The following CSMD1 variants were observed in gnomAD, a reference collection of about 807,000 sequenced individuals.
The protein encoded by CSMD1 is CUB and sushi domain-containing protein 1.
A neutral mutation model predicts 417.5 loss-of-function variants in CSMD1; 213 were observed. The observed-to-expected ratio is 0.51, with a 90% CI of 0.46 to 0.57. CSMD1 has a LOEUF of 0.57. Ranked by LOEUF, CSMD1 falls within the 20% of genes least tolerant of loss-of-function variation. The pLI is 0.00. For synonymous variants in CSMD1, 2,862 were observed against 1,736.8 expected (o/e 1.65, Z -16.11); for missense variants, 6,923 against 4,529.7 (o/e 1.53, Z -15.17).
intron 3 of CSMD1, among the ~76,000 whole-genome samples, chr8:4,325,673 T>A (rs1307375307): frequency 6.6e-6 from 1 of 152,088 alleles, no homozygotes; most frequent in Non-Finnish European, 1.5e-5. Flanking sequence ...TGCTCATCTC[T>A]AGGGCCAGAA....
intron 1 of CSMD1, among the ~76,000 whole-genome samples, chr8:4,988,293 A>G (rs1811285892): frequency 6.6e-6 from 1 of 152,248 alleles, no homozygotes; most frequent in Non-Finnish European, 1.5e-5. Flanking sequence ...AGATGCAAGT[A>G]TCAAAGTATC....
intron 1 of CSMD1, among the ~76,000 whole-genome samples, chr8:4,732,426 A>C (rs1809961073): frequency 1.3e-5 from 2 of 151,600 alleles, no homozygotes; most frequent in African/African-American, 4.9e-5. Context: ...TGCAGAATCC[A>C]AGCATTTATT....
At chr8:4,499,356 T>C (rs975485849) in intron 2 of CSMD1, among the ~76,000 whole-genome samples, 1 of 152,184 alleles carries the variant, frequency 6.6e-6, no homozygotes, top group African/African-American at 2.4e-5. Context: ...GAGCTCTTCC[T>C]GGTACAATAC....
chr8:3,266,924 G>T (rs1194690957), intron 26 of CSMD1, among the ~76,000 whole-genome samples: 1 of 152,150 alleles, frequency 6.6e-6, no homozygotes, highest in Non-Finnish European at 1.5e-5. Context: ...TAGAGGTCAA[G>T]AAATGCAGAC....
intron 2 of CSMD1, among the ~76,000 whole-genome samples, chr8:4,506,787 G>A (rs1005665136): frequency 6.6e-6 from 1 of 152,224 alleles, no homozygotes; most frequent in East Asian, 1.9e-4. Flanking sequence ...TCCTGAAAGA[G>A]CCACCTCTAA....
At chr8:2,991,085 T>C (rs769718843) in intron 54 of CSMD1, among the ~76,000 whole-genome samples, 13 of 152,228 alleles carry the variant, frequency 8.5e-5, no homozygotes, top group Non-Finnish European at 1.9e-4. Flanking sequence ...CAAAGCCTTA[T>C]ACAATATACA....
intron 6 of CSMD1, among the ~76,000 whole-genome samples, chr8:3,721,292 G>C (rs1293038359): frequency 6.6e-6 from 1 of 152,080 alleles, no homozygotes. Flanking sequence ...TCTGAGATGA[G>C]TGGCCACATA....
intron 1 of CSMD1, among the ~76,000 whole-genome samples, chr8:4,724,807 G>A (rs910336981): frequency 3.9e-5 from 6 of 151,956 alleles, no homozygotes; most frequent in Non-Finnish European, 7.4e-5. Flanking sequence ...GAATCAAGTT[G>A]ATATATTCAA....
Position 3,670,956 on chromosome 8 carries a change from TG to T in CSMD1, c.1009+37457del, listed in dbSNP as rs1356219232. On this transcript the variant is annotated intron_variant, in intron 7 of 69. Transcript: ENST00000635120. ...ATATATATGTATGGGTATATGTGTA[TG>T]GGATATATGTATATGGGATATATAT... Among the ~76,000 whole-genome samples the T allele has an allele frequency of 6.2e-5, 8 of 128,738 alleles. No individual in the cohort carries two copies. The East Asian group carries it at 1.3e-3, about 22-fold the overall frequency. The allele number at this position is 128,738 out of a possible 152,430, so 84.5% of individuals were successfully genotyped here.
intron 2 of CSMD1, among the ~76,000 whole-genome samples, chr8:4,441,942 G>A (rs539394443): frequency 7.9e-5 from 12 of 152,218 alleles, no homozygotes; most frequent in African/African-American, 2.6e-4. Flanking sequence ...CATAACCATT[G>A]TACTGAGAAA....
intron 21 of CSMD1, among the ~76,000 whole-genome samples, chr8:3,356,331 A>G (rs1808788053): frequency 6.6e-6 from 1 of 152,228 alleles, no homozygotes; most frequent in South Asian, 2.1e-4. Context: ...CTTAGGGATG[A>G]GGCAGACCAC....
intron 7 of CSMD1, among the ~76,000 whole-genome samples, chr8:3,667,533 G>C (rs534289401): frequency 6.6e-6 from 1 of 152,256 alleles, no homozygotes; most frequent in Non-Finnish European, 1.5e-5. Flanking sequence ...TTGGGATGAG[G>C]TCAGGAAGGA....
chr8:4,784,519 G>A (rs188939027), intron 1 of CSMD1, among the ~76,000 whole-genome samples: 1 of 152,280 alleles, frequency 6.6e-6, no homozygotes, highest in East Asian at 1.9e-4. Context: ...TGGATGAGAG[G>A]AGACAGACCC....
intron 21 of CSMD1, among the ~76,000 whole-genome samples, chr8:3,355,293 T>C (rs1808707382): frequency 6.6e-6 from 1 of 152,152 alleles, no homozygotes; most frequent in Non-Finnish European, 1.5e-5. Context: ...TTCAAATAAT[T>C]CTGAAATGAT....
intron 26 of CSMD1, chr8:3,278,549 C>G (rs1377946524): frequency 6.6e-6 from 1 of 152,050 alleles, no homozygotes; most frequent in Non-Finnish European, 1.5e-5. Context: ...TTTTTGAGTT[C>G]TATTTAAAAA....
intron 26 of CSMD1, among the ~76,000 whole-genome samples, chr8:3,235,146 T>G (rs1243918157): frequency 1.3e-5 from 2 of 152,164 alleles, no homozygotes; most frequent in African/African-American, 4.8e-5. Flanking sequence ...ACAGTGATAG[T>G]CACTGTAAAT....
At chr8:3,764,606 T>C (rs1334098391) in intron 5 of CSMD1, among the ~76,000 whole-genome samples, 1 of 152,094 alleles carries the variant, frequency 6.6e-6, no homozygotes, top group East Asian at 1.9e-4. Flanking sequence ...GGCAGTTTCC[T>C]TGGAGATGTG....
At chr8:3,251,477 T>G (rs1345560453) in intron 26 of CSMD1, among the ~76,000 whole-genome samples, 1 of 152,218 alleles carries the variant, frequency 6.6e-6, no homozygotes, top group Non-Finnish European at 1.5e-5. Flanking sequence ...CCTTGTAGTA[T>G]AGTTTGAAGT....
At chr8:4,890,211 T>A (rs768040313) in intron 1 of CSMD1, among the ~76,000 whole-genome samples, 43 of 152,112 alleles carry the variant, frequency 2.8e-4, no homozygotes, top group Admixed American at 1.5e-3. Flanking sequence ...ACACACTTGA[T>A]CTTGGCTCAG....
Sources: allele counts gnomAD v4.1 joint callset (sites outside exome capture counted in the v4.1 genomes callset), GRCh38; gene constraint gnomAD v4.1.1; transcripts MANE v1.5; gene names NCBI Gene and HGNC (gene_info 2026-07-23, HGNC 2026-07-21).